The following PLXDC2 variants were observed in gnomAD, a reference collection of about 807,000 sequenced individuals.
PLXDC2 encodes plexin domain containing 2.
In PLXDC2, 40 loss-of-function variants were observed where a neutral mutation model predicts 68.9. The ratio of observed to expected loss-of-function variants is 0.58; its 90% confidence interval spans 0.45 to 0.76. The LOEUF is 0.76. PLXDC2 is among the 30% of genes least tolerant of loss of function. The pLI, the probability that PLXDC2 is intolerant of heterozygous loss-of-function variation, is 0.00. For synonymous variants in PLXDC2, 243 were observed against 234.2 expected, an observed-to-expected ratio of 1.04 and a Z score of -0.34; for missense variants, 644 against 661.9, an observed-to-expected ratio of 0.97 and a Z score of 0.30.
intron 5 of PLXDC2, among the ~76,000 whole-genome samples, chr10:20,145,331 T>C (rs1217812258): frequency 6.6e-6 from 1 of 152,204 alleles, no homozygotes; most frequent in African/African-American, 2.4e-5. Flanking sequence ...TGTAAGACTC[T>C]TCACGAAGCC....
intron 1 of PLXDC2, among the ~76,000 whole-genome samples, chr10:19,903,653 TTTTG>T (rs1313773640): frequency 3.9e-5 from 6 of 151,988 alleles, no homozygotes; most frequent in East Asian, 1.9e-4. Context: ...TCTTTTATAT[TTTTG>T]TTTGTTTGTT....
chr10:19,937,652 G>A (rs72785846), intron 1 of PLXDC2, among the ~76,000 whole-genome samples: 8,064 of 149,158 alleles, frequency 0.054, 251 homozygotes, highest in Middle Eastern at 0.097. Flanking sequence ...CTTTTCTGGC[G>A]TGCCAATAGA....
chr10:20,209,108 A>G (rs1387763755), intron 9 of PLXDC2, among the ~76,000 whole-genome samples: 2 of 152,142 alleles, frequency 1.3e-5, no homozygotes, highest in African/African-American at 4.8e-5. Context: ...GTCATTGAAA[A>G]CATCGTATCA....
intron 4 of PLXDC2, among the ~76,000 whole-genome samples, chr10:20,130,865 T>G (rs1410905999): frequency 6.6e-6 from 1 of 152,214 alleles, no homozygotes; most frequent in Non-Finnish European, 1.5e-5. Context: ...TAATGTGCTG[T>G]TGAATTAGAT....
chr10:19,960,446 A>G (rs1319462509), intron 1 of PLXDC2, among the ~76,000 whole-genome samples: 2 of 152,172 alleles, frequency 1.3e-5, no homozygotes, highest in African/African-American at 2.4e-5. Context: ...AACAGAGGTT[A>G]TCTCTTTGCA....
At chr10:20,049,304 C>T (rs1341101395) in intron 3 of PLXDC2, among the ~76,000 whole-genome samples, 1 of 152,088 alleles carries the variant, frequency 6.6e-6, no homozygotes, top group South Asian at 2.1e-4. Context: ...TGGCACAACA[C>T]AAGGATGACC....
intron 2 of PLXDC2, among the ~76,000 whole-genome samples, chr10:20,013,775 C>G (rs1421306850): frequency 6.6e-6 from 1 of 152,156 alleles, no homozygotes; most frequent in African/African-American, 2.4e-5. Context: ...TGATCATCTT[C>G]TTTTTCTTTA....
chr10:20,232,275 A>G (rs1057471733), intron 12 of PLXDC2, among the ~76,000 whole-genome samples: 2 of 152,122 alleles, frequency 1.3e-5, no homozygotes, highest in Admixed American at 6.6e-5. Context: ...TTGGAGTGTG[A>G]TGTTGTGCAA....
At chr10:20,094,086 A>C (rs1426595259) in intron 4 of PLXDC2, among the ~76,000 whole-genome samples, 4 of 152,234 alleles carry the variant, frequency 2.6e-5, no homozygotes, top group African/African-American at 9.6e-5. Context: ...AAATACATGG[A>C]TAAAACTTAG....
chr10:19,856,008 T>C (rs1246165180), intron 1 of PLXDC2, among the ~76,000 whole-genome samples: 1 of 152,116 alleles, frequency 6.6e-6, no homozygotes, highest in Non-Finnish European at 1.5e-5. Context: ...GGCAGGAGAA[T>C]TGCTTGAACC....
At chr10:20,109,753 C>T (rs1353856340) in intron 4 of PLXDC2, among the ~76,000 whole-genome samples, 1 of 152,148 alleles carries the variant, frequency 6.6e-6, no homozygotes, top group Non-Finnish European at 1.5e-5. Flanking sequence ...CTTTAGAACT[C>T]GAATGACTTA....
rs74936081 is a variant in PLXDC2, at chr10:19,969,780, A to T, written c.113-31995A>T. 3.8e-3 allele frequency among the ~76,000 whole-genome samples: 582 copies of T among 152,370 alleles called. 2 individuals carry two copies. Among genetic ancestry groups the T allele is most frequent in the African/African-American group, 0.013 (539 of 41,588 alleles). On this transcript the variant is annotated intron_variant, in intron 1 of 13. Coordinates refer to ENST00000377252, the MANE Select transcript of PLXDC2 (RefSeq NM_032812.9). ...CTTTATGGAAGCAGTAAGTTTCTGC[A>T]TCTATAACAATTGAGACAGGTCATA...
intron 1 of PLXDC2, among the ~76,000 whole-genome samples, chr10:19,909,132 T>A (rs1023763509): frequency 3.9e-5 from 6 of 152,162 alleles, no homozygotes; most frequent in Middle Eastern, 3.2e-3. Context: ...ACCAAGTTTC[T>A]ATGGGTAAGA....
chr10:20,217,976 C>T (rs979789777), intron 11 of PLXDC2, among the ~76,000 whole-genome samples: 1 of 151,996 alleles, frequency 6.6e-6, no homozygotes, highest in Admixed American at 6.6e-5. Context: ...GGATTCTGAA[C>T]AATAAATAAT....
intron 11 of PLXDC2, among the ~76,000 whole-genome samples, chr10:20,218,349 G>A (rs1174594026): frequency 1.3e-5 from 2 of 151,958 alleles, no homozygotes; most frequent in Non-Finnish European, 2.9e-5. Flanking sequence ...ACTTTTAATT[G>A]GAATTTAATT....
At chr10:20,044,138 CTCTCTCTTTTT>C (rs1835735925) in intron 2 of PLXDC2, among the ~76,000 whole-genome samples, 2 of 24,188 alleles carry the variant, frequency 8.3e-5, no homozygotes, top group African/African-American at 1.8e-4. Context: ...CTCCCTCCCT[CTCTCTCTTTTT>C]CCTTCCTTCC....
intron 9 of PLXDC2, among the ~76,000 whole-genome samples, chr10:20,181,233 A>G (rs1401401852): frequency 6.6e-6 from 1 of 152,052 alleles, no homozygotes; most frequent in Non-Finnish European, 1.5e-5. Context: ...TAGTTTTTAA[A>G]TGAAAATATG....
Position 20,079,955 on chromosome 10 carries a change from A to G in PLXDC2, c.541+11716A>G, listed in dbSNP as rs537707739. On this transcript the variant is annotated intron_variant, in intron 4 of 13. Transcript: ENST00000377252. ...TTCCAGAACTTAAATTAAAAAAAGA[A>G]ACAAAAAACAAGAAACAAAAAAATG... Among the ~76,000 whole-genome samples, 5 of 152,300 alleles carry G rather than the reference A, an allele frequency of 3.3e-5. No homozygotes were observed. In the South Asian group the frequency reaches 1.0e-3, roughly 32 times the overall value.
chr10:19,861,300 G>T (rs1304356587), intron 1 of PLXDC2, among the ~76,000 whole-genome samples: 3 of 151,990 alleles, frequency 2.0e-5, no homozygotes, highest in Non-Finnish European at 4.4e-5. Context: ...CTCCCAAAGT[G>T]CTGGGATTAC....
Sources: gnomAD v4.1 joint callset for allele counts (sites outside exome capture counted in the v4.1 genomes callset) on GRCh38, gnomAD v4.1.1 for gene constraint, MANE v1.5 for transcripts, NCBI Gene and HGNC (gene_info 2026-07-23, HGNC 2026-07-21) for gene names.